Variants in LTBP2 observed in about 807,000 individuals in gnomAD.
LTBP2 encodes latent transforming growth factor beta binding protein 2.
LTBP2 carries 103 observed loss-of-function variants against 210.6 expected under a neutral mutation model. The ratio of observed to expected loss-of-function variants is 0.49; its 90% CI spans 0.42 to 0.58. LTBP2 has a LOEUF of 0.58. Among genes scored for constraint, LTBP2 ranks in the 20% least tolerant of loss-of-function variants. The pLI is 0.00. For missense variants in LTBP2, 2,313 were observed against 2,494.5 expected (o/e 0.93, Z 1.55); for synonymous variants, 1,007 against 1,015.0 (o/e 0.99, Z 0.15).
rs1297097507 is a variant in LTBP2 at position 74,506,680 on chromosome 14, A to G, written c.4033+18T>C. The G allele has an allele frequency of 6.2e-7, 1 of 1,612,546 alleles. No homozygotes were observed. Among genetic ancestry groups the G allele is most frequent in the South Asian group, 1.1e-5 (1 of 91,084 alleles). ...CCCTTCCCTGGCCCAGACCTTGGGT[A>G]GCCCACAGGCTCCTCACCCACACAG... On this transcript the variant is annotated intron_variant, in intron 27 of 35. Coordinates refer to ENST00000261978, the MANE Select transcript of LTBP2 (RefSeq NM_000428.3).
At chr14:74,502,349 A>AG (rs1203727358) in intron 34 of LTBP2, among the ~76,000 whole-genome samples, 1 of 152,072 alleles carries the variant, frequency 6.6e-6, no homozygotes, top group East Asian at 1.9e-4. Context: ...GCGTGGAGGG[A>AG]GAAAAAGACT....
chr14:74,507,882 A>G (rs2139693924), intron 25 of LTBP2, 91 bp downstream of exon 25: 1 of 1,565,488 alleles, frequency 6.4e-7, no homozygotes, highest in East Asian at 2.2e-5. Flanking sequence ...CATCTGTGGA[A>G]AGTGCTCTGC....
At chr14:74,540,944 A>ATTT (rs1555350227) in intron 8 of LTBP2, among the ~76,000 whole-genome samples, 2,134 of 24,270 alleles carry the variant, frequency 0.088, 30 homozygotes, top group Non-Finnish European at 0.19. Flanking sequence ...ATATATATAT[A>ATTT]TTTTTTATAT....
intron 30 of LTBP2, 130 bp from the exon 31 acceptor site, chr14:74,504,184 G>A (rs1014912618): frequency 9.0e-7 from 1 of 1,114,684 alleles, no homozygotes; most frequent in African/African-American, 1.5e-5. Flanking sequence ...TGGGCAAGTT[G>A]CTTAAGTTCG....
intron 10 of LTBP2, among the ~76,000 whole-genome samples, chr14:74,532,073 G>A (rs1450822211): frequency 6.6e-6 from 1 of 152,166 alleles, no homozygotes; most frequent in Non-Finnish European, 1.5e-5. Flanking sequence ...AGACATCAGA[G>A]CAGAGGCCAC....
chr14:74,598,549 C>A (rs1245311919), intron 2 of LTBP2, among the ~76,000 whole-genome samples: 4 of 152,174 alleles, frequency 2.6e-5, no homozygotes, highest in Admixed American at 6.6e-5. Context: ...ACAGTCCCTG[C>A]CCTCAAAATC....
chr14:74,574,634 T>A (rs986887029), intron 3 of LTBP2, among the ~76,000 whole-genome samples: 2 of 152,290 alleles, frequency 1.3e-5, no homozygotes, highest in South Asian at 2.1e-4. Context: ...ATCACCGAAC[T>A]GTAGGCTCTG....
rs1566635595 is a variant in LTBP2, at chr14:74,553,067, A to G, written c.1022-5T>C. 1 of 1,614,048 alleles carries G rather than the reference A, an allele frequency of 6.2e-7. No individual in the cohort carries two copies. Among genetic ancestry groups the G allele is most frequent in the Non-Finnish European group, 8.5e-7 (1 of 1,179,940 alleles). On this transcript the variant is annotated splice_polypyrimidine_tract_variant and splice_region_variant and intron_variant, in intron 4 of 35. Transcript: ENST00000261978. ...TTTTCTCCGTGAGGTTCAGCCCTGC[A>G]GAGAGAGGGCTTGGGTCCAGGGGGC...
At chr14:74,542,944 T>C (rs1171656818) in intron 8 of LTBP2, among the ~76,000 whole-genome samples, 1 of 151,912 alleles carries the variant, frequency 6.6e-6, no homozygotes, top group Non-Finnish European at 1.5e-5. Context: ...TTTTTGTATT[T>C]TTAGTAGAGA....
At chr14:74,509,967 G>A (rs1052343558) in intron 20 of LTBP2, 108 bp from the exon 21 acceptor site, 28 of 1,608,922 alleles carry the variant, frequency 1.7e-5, no homozygotes, top group Middle Eastern at 1.7e-4. Context: ...GGGATGTGTT[G>A]GGTCAGTGTG....
chr14:74,543,377 CAA>C (rs71119305), intron 8 of LTBP2, among the ~76,000 whole-genome samples: 1 of 96,622 alleles, frequency 1.0e-5, no homozygotes, highest in Non-Finnish European at 1.8e-5. Flanking sequence ...GACTCCGTCT[CAA>C]AAAAAAAAAA....
intron 2 of LTBP2, among the ~76,000 whole-genome samples, chr14:74,589,255 C>T (rs2088249402): frequency 6.6e-6 from 1 of 152,210 alleles, no homozygotes; most frequent in Non-Finnish European, 1.5e-5. Flanking sequence ...AAGTAGAACA[C>T]ACAAGTTATA....
chr14:74,549,757 T>C, intron 8 of LTBP2, 106 bp downstream of exon 8: 1 of 937,932 alleles, frequency 1.1e-6, no homozygotes, highest in Non-Finnish European at 1.8e-6. Flanking sequence ...ACCAGCCTGT[T>C]CTACCTGCCT....
At chr14:74,503,748 C>CT in intron 31 of LTBP2, 142 bp from the exon 32 acceptor site, 1 of 1,439,786 alleles carries the variant, frequency 6.9e-7, no homozygotes, top group Non-Finnish European at 9.4e-7. Context: ...CTGGAAGGCC[C>CT]TCCTGGGGAC....
intron 2 of LTBP2, among the ~76,000 whole-genome samples, chr14:74,591,979 T>A (rs1008697346): frequency 1.3e-5 from 2 of 152,250 alleles, no homozygotes; most frequent in African/African-American, 4.8e-5. Flanking sequence ...TTTTTCCTGA[T>A]GGCTTCACTT....
chr14:74,522,511 A>G (rs2087219433), intron 16 of LTBP2, among the ~76,000 whole-genome samples: 1 of 152,004 alleles, frequency 6.6e-6, no homozygotes, highest in Admixed American at 6.6e-5. Flanking sequence ...GGCTGATCTC[A>G]GAGAAGAGGG....
At chr14:74,592,499 T>C (rs2088296187) in intron 2 of LTBP2, among the ~76,000 whole-genome samples, 1 of 152,048 alleles carries the variant, frequency 6.6e-6, no homozygotes, top group Admixed American at 6.6e-5. Flanking sequence ...GCCTTATACT[T>C]ATATATTTTG....
At position 74,528,469 on chromosome 14, in the gene LTBP2, C is replaced by T; in HGVS notation, c.2368+14G>A. On this transcript the variant is annotated intron_variant, in intron 12 of 35. Transcript: ENST00000261978. ...AAAGGAAAATCCCTCAGGCATCTCCCCCAGCTCAGATACCCTTGTCAGGGA... is the reference window on the plus strand; with the variant it reads ...AAAGGAAAATCCCTCAGGCATCTCCTCCAGCTCAGATACCCTTGTCAGGGA... 1.2e-6 allele frequency: 2 copies of T among 1,611,638 alleles called. No individual in the cohort carries two copies. The highest frequency in any genetic ancestry group is 1.7e-6 in the Non-Finnish European group (2 of 1,179,932).
At chr14:74,507,066 G>A in intron 26 of LTBP2, 113 bp downstream of exon 26, 1 of 1,580,778 alleles carries the variant, frequency 6.3e-7, no homozygotes, top group Non-Finnish European at 8.7e-7. Flanking sequence ...AAATATACAA[G>A]CTACAATCAG....
Sources: gnomAD v4.1 joint callset for allele counts (sites outside exome capture counted in the v4.1 genomes callset) on GRCh38, gnomAD v4.1.1 for gene constraint, MANE v1.5 for transcripts, NCBI Gene and HGNC (gene_info 2026-07-23, HGNC 2026-07-21) for gene names.